Variants in PCDHA6 observed in about 807,000 individuals in gnomAD.
PCDHA6 encodes protocadherin alpha 6.
A neutral mutation model predicts 60.3 loss-of-function variants in PCDHA6; 55 were observed. The ratio of observed to expected loss-of-function variants is 0.91; its 90% CI spans 0.73 to 1.14. PCDHA6 has a LOEUF of 1.14. Ranked by LOEUF, PCDHA6 falls within the 50% of genes most tolerant of loss-of-function variation. PCDHA6 has a pLI of 0.00. For synonymous variants in PCDHA6, 652 were observed against 557.9 expected (o/e 1.17, Z -2.38); for missense variants, 1,327 against 1,256.5 (o/e 1.06, Z -0.85).
intron 3 of PCDHA6, among the ~76,000 whole-genome samples, chr5:140,989,535 GTT>G (rs2097346543): frequency 6.6e-6 from 1 of 152,178 alleles, no homozygotes; most frequent in Non-Finnish European, 1.5e-5. Context: ...GAGGAAGATA[GTT>G]TGTAATTCCT....
At chr5:140,974,426 G>T (rs1417085676) in intron 1 of PCDHA6, among the ~76,000 whole-genome samples, 1 of 152,152 alleles carries the variant, frequency 6.6e-6, no homozygotes, top group Non-Finnish European at 1.5e-5. Flanking sequence ...TTACTTTCCT[G>T]GTTTGTAAAT....
intron 3 of PCDHA6, among the ~76,000 whole-genome samples, chr5:140,994,698 C>G (rs1238723224): frequency 6.6e-6 from 1 of 151,898 alleles, no homozygotes; most frequent in Non-Finnish European, 1.5e-5. Context: ...GAATGAGACC[C>G]TGTCTCAAAA....
intron 3 of PCDHA6, among the ~76,000 whole-genome samples, chr5:140,983,328 T>G (rs1214241110): frequency 6.6e-6 from 1 of 152,218 alleles, no homozygotes; most frequent in East Asian, 1.9e-4. Flanking sequence ...ATTCTTGCCC[T>G]ATCACTAAAG....
At chr5:140,850,526 G>A (rs2150487958) in intron 1 of PCDHA6, 8 of 1,598,220 alleles carry the variant, frequency 5.0e-6, no homozygotes, top group Admixed American at 1.7e-5. Context: ...AGGCGCCAAA[G>A]TCATCGTCGC....
intron 1 of PCDHA6, among the ~76,000 whole-genome samples, chr5:140,924,369 G>A (rs2081798645): frequency 6.6e-6 from 1 of 152,144 alleles, no homozygotes; most frequent in Admixed American, 6.5e-5. Context: ...AGGCAAACTA[G>A]CCAAGGGGTA....
chr5:140,921,925 G>A (rs895157006), intron 1 of PCDHA6, among the ~76,000 whole-genome samples: 2 of 151,816 alleles, frequency 1.3e-5, no homozygotes, highest in African/African-American at 4.8e-5. Flanking sequence ...AAAACTTATA[G>A]TCAATATAAT....
In PCDHA6 at chr5:140,857,222, G is replaced by T. The variant is rs373834853; in HGVS notation, c.2394+26737G>T. ...GGTCACCTGCTCTCTGACGCCTCAC[G>T]TTCCGTTCAAGCTGGTGTCCACCTA... On this transcript the variant is annotated intron_variant, in intron 1 of 3. Coordinates refer to ENST00000529310, the MANE Select transcript of PCDHA6 (RefSeq NM_018909.4). 4 of 1,598,456 alleles carry T rather than the reference G, an allele frequency of 2.5e-6. No individual in the cohort carries two copies. Among genetic ancestry groups the T allele is most frequent in the African/African-American group, 2.7e-5 (2 of 74,394 alleles).
chr5:140,883,621 C>G (rs368758287), intron 1 of PCDHA6: 2 of 1,613,850 alleles, frequency 1.2e-6, no homozygotes, highest in African/African-American at 2.7e-5. Flanking sequence ...TGAACGACAA[C>G]GCGCCGGCGT....
intron 1 of PCDHA6, chr5:140,860,892 C>A (rs1554153919): frequency 6.6e-6 from 1 of 152,368 alleles, no homozygotes; most frequent in Non-Finnish European, 1.5e-5. Flanking sequence ...TGCCCGCCAA[C>A]ACGCCAGGCT....
intron 3 of PCDHA6, among the ~76,000 whole-genome samples, chr5:141,003,288 T>C (rs2098118136): frequency 2.0e-5 from 3 of 152,182 alleles, no homozygotes; most frequent in African/African-American, 7.2e-5. Context: ...AATTGGATTA[T>C]AGGATTACAT....
chr5:140,870,395 C>T (rs1554164197), intron 1 of PCDHA6: 1 of 1,614,218 alleles, frequency 6.2e-7, no homozygotes, highest in South Asian at 1.1e-5. Context: ...GATGGGGGTT[C>T]GCCTTCTCTG....
At chr5:140,875,951 C>A (rs1292449525) in intron 1 of PCDHA6, 2 of 1,614,116 alleles carry the variant, frequency 1.2e-6, no homozygotes, top group East Asian at 2.2e-5. Flanking sequence ...GCTTCTGATG[C>A]GGATATCGGC....
intron 1 of PCDHA6, chr5:140,843,080 G>A (rs1554139718): frequency 2.5e-6 from 4 of 1,595,426 alleles, no homozygotes; most frequent in African/African-American, 2.7e-5. Context: ...GTCTGTGGGC[G>A]CGGGCCACGT....
At chr5:140,837,616 C>T (rs2150277416) in intron 1 of PCDHA6, among the ~76,000 whole-genome samples, 6 of 143,768 alleles carry the variant, frequency 4.2e-5, no homozygotes, top group African/African-American at 1.6e-4. Flanking sequence ...ATAATTTGCC[C>T]CTTCCTTCCT....
rs190183922 is a variant in PCDHA6, at chr5:140,912,839, T to C, written c.2395-66110T>C. ...AGGGATTTTGAATTTTATTAAATGC[T>C]TTTTCAGCATCAATTGAAATGATAT... On this transcript the variant is annotated intron_variant, in intron 1 of 3. Coordinates refer to ENST00000529310, the MANE Select transcript of PCDHA6 (RefSeq NM_018909.4). Among the ~76,000 whole-genome samples the C allele has an allele frequency of 6.6e-5, 10 of 152,356 alleles. No individual in the cohort carries two copies. In the East Asian group the frequency reaches 1.9e-3, roughly 29 times the overall value.
At chr5:140,840,489 C>T (rs2150307286) in intron 1 of PCDHA6, among the ~76,000 whole-genome samples, 6 of 151,924 alleles carry the variant, frequency 3.9e-5, no homozygotes, top group Non-Finnish European at 5.9e-5. Flanking sequence ...AGGCATAATT[C>T]TGGTAAATAC....
intron 1 of PCDHA6, among the ~76,000 whole-genome samples, chr5:140,921,179 G>A (rs1346400425): frequency 1.3e-5 from 2 of 151,662 alleles, no homozygotes; most frequent in Non-Finnish European, 2.9e-5. Context: ...ATAAAGCACA[G>A]TTTTTTCACA....
At position 140,848,981 on chromosome 5, in the gene PCDHA6, C is replaced by A. The variant is rs2150427833; in HGVS notation, c.2394+18496C>A. 2.6e-5 allele frequency: 41 copies of A among 1,598,746 alleles called. No homozygotes were observed. The Middle Eastern group carries it at 5.0e-4, about 19-fold the overall frequency. On this transcript the variant is annotated intron_variant, in intron 1 of 3. Transcript: ENST00000529310. ...TAGAGGGCGCGTCCGATGCAGATAT[C>A]GGGGAGAACGCCCTGCTCACTTACA...
At position 140,928,256 on chromosome 5, in the gene PCDHA6, CT is replaced by C. The variant is rs1563103175; in HGVS notation, c.2395-50692del. 2.5e-6 allele frequency: 4 copies of C among 1,614,234 alleles called. No homozygotes were observed. The Admixed American group carries it at 6.7e-5, about 27-fold the overall frequency. On this transcript the variant is annotated intron_variant, in intron 1 of 3. Transcript: ENST00000529310. ...CAACCCCAGCAGGAACTTTTCGTTG[CT>C]GAAAACAATGGCCCTGGGGCCTCTC... is the stretch of plus-strand genomic sequence containing the variant.
Sources: allele counts gnomAD v4.1 joint callset (sites outside exome capture counted in the v4.1 genomes callset), GRCh38; gene constraint gnomAD v4.1.1; transcripts MANE v1.5; gene names NCBI Gene and HGNC (gene_info 2026-07-23, HGNC 2026-07-21).